The following ENOX1 variants were observed in gnomAD, a reference collection of about 807,000 sequenced individuals.
The protein encoded by ENOX1 is ecto-NOX disulfide-thiol exchanger 1, also known as candidate growth-related and time keeping constitutive hydroquinone (NADH) oxidase.
In ENOX1, 42 loss-of-function variants were observed where a neutral mutation model predicts 82.5. The ratio of observed to expected loss-of-function variants is 0.51; its 90% confidence interval spans 0.40 to 0.66. The LOEUF (loss-of-function observed/expected upper bound fraction) is 0.66, where lower values mean the gene tolerates loss of function less well. Ranked by LOEUF, ENOX1 falls within the 30% of genes least tolerant of loss-of-function variation. ENOX1 has a pLI of 0.00. For synonymous variants in ENOX1, 271 were observed against 282.2 expected, an observed-to-expected ratio of 0.96 and a Z score of 0.40; for missense variants, 608 against 811.6, an observed-to-expected ratio of 0.75 and a Z score of 3.05.
chr13:43,444,257 T>C (rs2153625541), intron 3 of ENOX1, among the ~76,000 whole-genome samples: 1 of 152,348 alleles, frequency 6.6e-6, no homozygotes, highest in South Asian at 2.1e-4. Flanking sequence ...CTACAGGGTC[T>C]GCGAGGAATT....
intron 2 of ENOX1, among the ~76,000 whole-genome samples, chr13:43,641,529 A>ATT (rs769737189): frequency 0.24 from 19,122 of 81,076 alleles, 3,796 homozygotes; most frequent in Non-Finnish European, 0.3. Flanking sequence ...TTAATTTTTA[A>ATT]TTTTTTTTTT....
At chr13:43,707,471 C>T (rs1594496173) in intron 1 of ENOX1, among the ~76,000 whole-genome samples, 1 of 152,118 alleles carries the variant, frequency 6.6e-6, no homozygotes, top group African/African-American at 2.4e-5. Context: ...CGCAGTGGCT[C>T]ACGCCTGTAA....
intron 10 of ENOX1, among the ~76,000 whole-genome samples, chr13:43,325,292 G>A (rs1265079142): frequency 6.6e-6 from 1 of 152,196 alleles, no homozygotes; most frequent in Non-Finnish European, 1.5e-5. Flanking sequence ...GTAGGCATTA[G>A]TGAACAAACT....
At chr13:43,586,148 C>T (rs9533536) in intron 2 of ENOX1, among the ~76,000 whole-genome samples, 1,858 of 152,342 alleles carry the variant, frequency 0.012, 16 homozygotes, top group Middle Eastern at 0.037. Flanking sequence ...GTTCTCCCTA[C>T]GTCTGCTCAG....
intron 2 of ENOX1, among the ~76,000 whole-genome samples, chr13:43,522,510 T>C (rs2077813428): frequency 6.6e-6 from 1 of 152,094 alleles, no homozygotes; most frequent in Non-Finnish European, 1.5e-5. Flanking sequence ...TAAAGTCACA[T>C]AACTAATTAA....
chr13:43,372,257 A>G (rs1324345951), intron 5 of ENOX1, among the ~76,000 whole-genome samples: 1 of 152,204 alleles, frequency 6.6e-6, no homozygotes, highest in Non-Finnish European at 1.5e-5. Context: ...TAGTTGGAAA[A>G]TTATGGTGAT....
intron 2 of ENOX1, among the ~76,000 whole-genome samples, chr13:43,550,098 G>A (rs117650583): frequency 2.5e-4 from 38 of 152,268 alleles, no homozygotes; most frequent in Admixed American, 3.9e-4. Flanking sequence ...TCGCTTCTAT[G>A]AGAATCTAAT....
chr13:43,591,651 T>A lies in ENOX1; in HGVS notation c.-219+75828A>T, dbSNP rs181052890. On this transcript the variant is annotated intron_variant, in intron 2 of 16. Transcript: ENST00000690772. ...TACCTGTTACATGCTTTCTTTTATA[T>A]GTATGTAATGTTTTGTTAAAAGTAT... Among the ~76,000 whole-genome samples, 1,035 of 152,294 alleles carry A rather than the reference T, an allele frequency of 6.8e-3. 7 individuals carry two copies. Among genetic ancestry groups the A allele is most frequent in the Middle Eastern group, 0.037 (11 of 294 alleles).
At position 43,313,367 on chromosome 13, in the gene ENOX1, A is replaced by G. The variant is rs115422367; in HGVS notation, c.1261+9017T>C. The stretch of plus-strand genomic sequence containing the variant: ...GTGAGTTAAATGTGGAAATTCCCTA[A>G]TTTAAAGCAAAAGAAGGCAATTCAA... On this transcript the variant is annotated intron_variant, in intron 11 of 16. Coordinates refer to ENST00000690772, the MANE Select transcript of ENOX1 (RefSeq NM_001347969.2). Among the ~76,000 whole-genome samples, 491 of 152,330 alleles carry G rather than the reference A, an allele frequency of 3.2e-3. 3 individuals are homozygous for G. Among genetic ancestry groups the G allele is most frequent in the African/African-American group, 0.011 (455 of 41,566 alleles).
chr13:43,528,775 G>C (rs1386075691), intron 2 of ENOX1, among the ~76,000 whole-genome samples: 1 of 151,840 alleles, frequency 6.6e-6, no homozygotes, highest in Non-Finnish European at 1.5e-5. Context: ...CAGAATCCAG[G>C]GCGGCCAAAA....
intron 2 of ENOX1, among the ~76,000 whole-genome samples, chr13:43,508,049 A>C (rs1242061261): frequency 6.6e-6 from 1 of 151,990 alleles, no homozygotes; most frequent in Non-Finnish European, 1.5e-5. Context: ...GAGAAACTGG[A>C]AGGCATTAAA....
At chr13:43,582,108 T>C (rs1374501809) in intron 2 of ENOX1, among the ~76,000 whole-genome samples, 1 of 152,168 alleles carries the variant, frequency 6.6e-6, no homozygotes, top group African/African-American at 2.4e-5. Flanking sequence ...AAAACATTCT[T>C]GTATCATGAT....
At chr13:43,695,877 A>G (rs947279242) in intron 1 of ENOX1, among the ~76,000 whole-genome samples, 8 of 152,154 alleles carry the variant, frequency 5.3e-5, no homozygotes, top group Non-Finnish European at 1.0e-4. Flanking sequence ...GGCAATTATC[A>G]CCATTATTTA....
intron 14 of ENOX1, among the ~76,000 whole-genome samples, chr13:43,263,619 A>G (rs1237137660): frequency 6.6e-6 from 1 of 152,256 alleles, no homozygotes; most frequent in Admixed American, 6.5e-5. Context: ...AGATCAATTT[A>G]TAATCAAAAC....
At chr13:43,714,891 G>A (rs1000602186) in intron 1 of ENOX1, among the ~76,000 whole-genome samples, 4 of 152,080 alleles carry the variant, frequency 2.6e-5, no homozygotes, top group African/African-American at 4.8e-5. Flanking sequence ...CTTTTAATTG[G>A]AGCATTTAGC....
chr13:43,244,877 C>T (rs1464730128), intron 14 of ENOX1, among the ~76,000 whole-genome samples: 1 of 152,132 alleles, frequency 6.6e-6, no homozygotes, highest in Non-Finnish European at 1.5e-5. Context: ...TGCTCATAGG[C>T]CCTACTCTTA....
In ENOX1 at chr13:43,561,929, G is replaced by A. The variant is rs145141283; in HGVS notation, c.-218-77777C>T. ...GGCTGCAGTAAGCCATAATAACACCGCTGCACTCCATCCTGGACAACAGAA... is the reference window on the plus strand; with the variant it reads ...GGCTGCAGTAAGCCATAATAACACCACTGCACTCCATCCTGGACAACAGAA... On this transcript the variant is annotated intron_variant, in intron 2 of 16. Transcript: ENST00000690772. Among the ~76,000 whole-genome samples, 62 of 146,650 alleles carry A rather than the reference G, an allele frequency of 4.2e-4. 1 individual carries two copies. In the East Asian group the frequency reaches 0.011, roughly 26 times the overall value.
chr13:43,330,893 C>A (rs2048375472), intron 9 of ENOX1, among the ~76,000 whole-genome samples: 1 of 152,174 alleles, frequency 6.6e-6, no homozygotes, highest in African/African-American at 2.4e-5. Context: ...CAATTTTAAA[C>A]AAACCCATAA....
chr13:43,453,449 A>G (rs2057071660), intron 3 of ENOX1, among the ~76,000 whole-genome samples: 1 of 152,228 alleles, frequency 6.6e-6, no homozygotes, highest in South Asian at 2.1e-4. Context: ...GATGTTTAGC[A>G]CTGGGTCATG....
Sources: allele counts gnomAD v4.1 joint callset (sites outside exome capture counted in the v4.1 genomes callset), GRCh38; gene constraint gnomAD v4.1.1; transcripts MANE v1.5; gene names NCBI Gene and HGNC (gene_info 2026-07-23, HGNC 2026-07-21).